The following DRC11 variants were observed in gnomAD, a reference collection of about 807,000 sequenced individuals.
DRC11 encodes IQ and AAA domain-containing protein 1.
At chr2:236,363,643 T>A in the DRC11 span, 3 of 709,310 alleles carry the variant, frequency 4.2e-6, no homozygotes, top group Non-Finnish European at 7.3e-6. This position sits in a 1 kb window ranked among gnomAD's most constrained non-coding sequence, Gnocchi z 5.6. Context: ...TACGCAATAA[T>A]GAAGTAATTT....
the DRC11 span, among the ~76,000 whole-genome samples, chr2:236,452,806 G>T: frequency 6.6e-6 from 1 of 152,206 alleles, no homozygotes; most frequent in African/African-American, 2.4e-5. This position sits in a 1 kb window ranked among gnomAD's most constrained non-coding sequence, Gnocchi z 4.7. Context: ...ATTCTCCTCA[G>T]GCTTGAATCC....
At chr2:236,387,111 G>T in the DRC11 span, among the ~76,000 whole-genome samples, 1 of 151,894 alleles carries the variant, frequency 6.6e-6, no homozygotes, top group Non-Finnish European at 1.5e-5. Context: ...AATAGGTGTG[G>T]TGTGGTGATG....
chr2:236,364,639 G>C, the DRC11 span, among the ~76,000 whole-genome samples: 1 of 152,116 alleles, frequency 6.6e-6, no homozygotes, highest in African/African-American at 2.4e-5. Context: ...TGCCCAGAAG[G>C]GGCCTCAGGT....
At chr2:236,340,958 T>C in the DRC11 span, among the ~76,000 whole-genome samples, 1 of 152,120 alleles carries the variant, frequency 6.6e-6, no homozygotes, top group Admixed American at 6.5e-5. Flanking sequence ...CCGTCTGTTA[T>C]GCACGAGACC....
the DRC11 span, among the ~76,000 whole-genome samples, chr2:236,354,434 G>A: frequency 6.6e-6 from 1 of 151,946 alleles, no homozygotes; most frequent in Non-Finnish European, 1.5e-5. Context: ...GAAGGTGTTG[G>A]ATGGTGGGGG....
chr2:236,417,203 G>A, the DRC11 span, among the ~76,000 whole-genome samples: 5 of 152,224 alleles, frequency 3.3e-5, no homozygotes, highest in African/African-American at 1.2e-4. Flanking sequence ...TGCCTACATC[G>A]TGCCAGATTT....
the DRC11 span, among the ~76,000 whole-genome samples, chr2:236,380,904 A>G: frequency 6.6e-6 from 1 of 152,216 alleles, no homozygotes; most frequent in Non-Finnish European, 1.5e-5. This position sits in a 1 kb window ranked among gnomAD's most constrained non-coding sequence, Gnocchi z 4.9. Flanking sequence ...AGGGAAGAGC[A>G]TTCTGACTTT....
At chr2:236,395,680 G>A in the DRC11 span, among the ~76,000 whole-genome samples, 1 of 152,180 alleles carries the variant, frequency 6.6e-6, no homozygotes, top group South Asian at 2.1e-4. Context: ...CCTTTTATGT[G>A]TTTAAAATTG....
the DRC11 span, among the ~76,000 whole-genome samples, chr2:236,338,694 C>T: frequency 1.8e-4 from 28 of 152,254 alleles, no homozygotes; most frequent in South Asian, 8.3e-4. Context: ...GAAGCTCACT[C>T]GGACCTGTAA....
the DRC11 span, among the ~76,000 whole-genome samples, chr2:236,321,247 C>T: frequency 1.1e-3 from 169 of 152,240 alleles, no homozygotes; most frequent in African/African-American, 3.6e-3. Flanking sequence ...TGGAAATAAT[C>T]TAATTATCTG....
the DRC11 span, among the ~76,000 whole-genome samples, chr2:236,411,034 A>G: frequency 4.2e-5 from 6 of 144,118 alleles, no homozygotes; most frequent in Non-Finnish European, 9.1e-5. Flanking sequence ...ACCAAAGCCA[A>G]AATTGACAAA....
the DRC11 span, chr2:236,368,525 G>A: frequency 2.0e-6 from 1 of 497,394 alleles, no homozygotes. Flanking sequence ...AGAGTAAACT[G>A]GGAATGATGT....
chr2:236,493,158 C>T, the DRC11 span, among the ~76,000 whole-genome samples: 1 of 152,108 alleles, frequency 6.6e-6, no homozygotes, highest in Non-Finnish European at 1.5e-5. Context: ...ACAGTTTGTG[C>T]AGGGAAACTC....
chr2:236,360,906 G>A, the DRC11 span, among the ~76,000 whole-genome samples: 484 of 152,322 alleles, frequency 3.2e-3, 3 homozygotes, highest in African/African-American at 0.011. This position sits in a 1 kb window ranked among gnomAD's most constrained non-coding sequence, Gnocchi z 5.8. Flanking sequence ...TGATCAGCCA[G>A]TAATTTAACT....
At chr2:236,378,441 G>A in the DRC11 span, among the ~76,000 whole-genome samples, 14 of 152,056 alleles carry the variant, frequency 9.2e-5, no homozygotes, top group Admixed American at 9.2e-4. Flanking sequence ...TGGGAGGCTA[G>A]GGTGGGCGGA....
the DRC11 span, among the ~76,000 whole-genome samples, chr2:236,456,521 C>T: frequency 3.9e-5 from 6 of 152,154 alleles, no homozygotes; most frequent in African/African-American, 9.7e-5. This position sits in a 1 kb window ranked among gnomAD's most constrained non-coding sequence, Gnocchi z 5.4. Flanking sequence ...CTGAGGACCC[C>T]GATAACCTCA....
chr2:236,339,606 C>T, the DRC11 span, among the ~76,000 whole-genome samples: 1 of 151,992 alleles, frequency 6.6e-6, no homozygotes, highest in African/African-American at 2.4e-5. Flanking sequence ...GGTAAGGGTC[C>T]AACTCTTTCT....
At chr2:236,411,077 A>G in the DRC11 span, among the ~76,000 whole-genome samples, 4 of 143,992 alleles carry the variant, frequency 2.8e-5, no homozygotes, top group Admixed American at 2.8e-4. Flanking sequence ...GCTTCTGCAC[A>G]GCAAAAGAAA....
chr2:236,425,774 G>T, the DRC11 span, among the ~76,000 whole-genome samples: 1 of 151,924 alleles, frequency 6.6e-6, no homozygotes. Context: ...CTGGTCTTTT[G>T]TTCATGGCTT....
Sources: gnomAD v4.1 joint callset for allele counts (sites outside exome capture counted in the v4.1 genomes callset) on GRCh38, gnomAD v4.1.1 for gene constraint, Gnocchi (gnomAD v3.1) non-coding constraint, MANE v1.5 for transcripts, NCBI Gene and HGNC (gene_info 2026-07-23, HGNC 2026-07-21) for gene names.